Variants in AGBL1 observed in about 807,000 individuals in gnomAD.
AGBL1 encodes the protein AGBL carboxypeptidase 1, also known as cytosolic carboxypeptidase 4.
AGBL1 carries 130 observed loss-of-function variants against 118.9 expected under a neutral mutation model. The observed-to-expected ratio is 1.09, with a 90% CI of 0.95 to 1.26. The LOEUF is 1.26. Ranked by LOEUF, AGBL1 falls within the 50% of genes most tolerant of loss-of-function variation. AGBL1 has a pLI of 0.00. For synonymous variants in AGBL1, 555 were observed against 478.9 expected (o/e 1.16, Z -2.08); for missense variants, 1,584 against 1,298.1 (o/e 1.22, Z -3.38).
chr15:86,235,295 A>G (rs1003153549), intron 6 of AGBL1, among the ~76,000 whole-genome samples: 1 of 152,224 alleles, frequency 6.6e-6, no homozygotes, highest in East Asian at 1.9e-4. Context: ...ACTCAGAGTA[A>G]GTTATCTAAA....
chr15:86,565,201 G>C (rs972069556), intron 21 of AGBL1, among the ~76,000 whole-genome samples: 7 of 152,216 alleles, frequency 4.6e-5, no homozygotes, highest in Non-Finnish European at 1.0e-4. Context: ...GAGGGGGAGA[G>C]GCACTCTGAT....
chr15:86,586,700 T>TTTTATTGTTTTATTTATTTATTTA (rs2084253603), intron 21 of AGBL1, among the ~76,000 whole-genome samples: 2 of 152,142 alleles, frequency 1.3e-5, no homozygotes, highest in African/African-American at 4.8e-5. Context: ...AATAAATTCC[T>TTTTATTGTTTTATTTATTTATTTA]GGGAGGTATA....
chr15:86,876,644 G>T (rs914655544), intron 22 of AGBL1, among the ~76,000 whole-genome samples: 1 of 152,184 alleles, frequency 6.6e-6, no homozygotes, highest in African/African-American at 2.4e-5. Context: ...TAGCTTTGTA[G>T]GCCATAGGCT....
intron 22 of AGBL1, among the ~76,000 whole-genome samples, chr15:86,862,474 C>A (rs1268116335): frequency 3.3e-5 from 5 of 152,178 alleles, no homozygotes; most frequent in African/African-American, 1.2e-4. Context: ...AATCCCAGCA[C>A]TTTGGGAGGC....
intron 21 of AGBL1, among the ~76,000 whole-genome samples, chr15:86,625,077 A>G (rs946132393): frequency 6.6e-6 from 1 of 152,164 alleles, no homozygotes; most frequent in Non-Finnish European, 1.5e-5. Context: ...ACCTCCAGTC[A>G]TTCGACCAGG....
intron 20 of AGBL1, among the ~76,000 whole-genome samples, chr15:86,552,561 A>T (rs955320113): frequency 1.3e-5 from 2 of 152,202 alleles, no homozygotes. Context: ...TTATTTTAGC[A>T]AATAATTATG....
chr15:86,331,350 G>GA (rs2080266260), intron 17 of AGBL1, among the ~76,000 whole-genome samples: 2 of 151,570 alleles, frequency 1.3e-5, no homozygotes, highest in African/African-American at 4.9e-5. Flanking sequence ...GAGAGAAGAA[G>GA]AAAAAAGCAA....
rs536813729 is a variant in AGBL1 at position 86,246,480 on chromosome 15, C to T, written c.527-1191C>T. 7.9e-5 allele frequency among the ~76,000 whole-genome samples: 12 copies of T among 152,128 alleles called. 1 individual carries two copies. Among genetic ancestry groups the T allele is most frequent in the Admixed American group, 7.9e-4 (12 of 15,268 alleles). ...TTTCCTGCAGGGGTTATGGACTGGG[C>T]AGTTTAAAGAAAACGCACATGAAGA... On this transcript the variant is annotated intron_variant, in intron 6 of 22. Transcript: ENST00000614907.
At chr15:86,996,727 C>A (rs1175410718) in intron 24 of AGBL1, among the ~76,000 whole-genome samples, 1 of 152,120 alleles carries the variant, frequency 6.6e-6, no homozygotes, top group Non-Finnish European at 1.5e-5. Flanking sequence ...GATCTGTTTG[C>A]CATCTTTTAC....
At chr15:86,845,186 A>G (rs892014592) in intron 22 of AGBL1, among the ~76,000 whole-genome samples, 1 of 152,132 alleles carries the variant, frequency 6.6e-6, no homozygotes, top group African/African-American at 2.4e-5. Flanking sequence ...CAGCTTCTAC[A>G]AAAGGTCTGT....
At chr15:86,328,875 C>A (rs117666965) in intron 17 of AGBL1, among the ~76,000 whole-genome samples, 1 of 152,156 alleles carries the variant, frequency 6.6e-6, no homozygotes, top group South Asian at 2.1e-4. Flanking sequence ...GACAGGACAC[C>A]GTTTTTAATT....
intron 9 of AGBL1, among the ~76,000 whole-genome samples, chr15:86,259,531 C>A (rs2078949635): frequency 6.6e-6 from 1 of 152,156 alleles, no homozygotes; most frequent in African/African-American, 2.4e-5. Context: ...CTTTTGAGTT[C>A]TCTGTCATGA....
At chr15:87,014,941 G>GTGTT (rs1194933581) in intron 24 of AGBL1, among the ~76,000 whole-genome samples, 1 of 152,134 alleles carries the variant, frequency 6.6e-6, no homozygotes, top group African/African-American at 2.4e-5. Flanking sequence ...CTCTCTAAGG[G>GTGTT]TGTTTTAAGA....
chr15:86,999,690 G>A (rs1465977649), intron 24 of AGBL1, among the ~76,000 whole-genome samples: 1 of 151,288 alleles, frequency 6.6e-6, no homozygotes, highest in South Asian at 2.1e-4. Flanking sequence ...TAAACACACG[G>A]GTGCATGTGT....
At chr15:86,682,963 A>G (rs1039863433) in intron 22 of AGBL1, among the ~76,000 whole-genome samples, 1 of 152,176 alleles carries the variant, frequency 6.6e-6, no homozygotes, top group Non-Finnish European at 1.5e-5. Context: ...GCCAAATGTC[A>G]TGACTATATT....
intron 18 of AGBL1, among the ~76,000 whole-genome samples, chr15:86,405,792 G>C (rs768215960): frequency 1.3e-5 from 2 of 151,996 alleles, no homozygotes; most frequent in Non-Finnish European, 2.9e-5. Flanking sequence ...CTAATACAAG[G>C]TTCGCGCAAG....
intron 22 of AGBL1, among the ~76,000 whole-genome samples, chr15:86,778,933 A>G (rs188949113): frequency 3.3e-4 from 51 of 152,312 alleles, no homozygotes; most frequent in Non-Finnish European, 5.7e-4. Flanking sequence ...AAGAAATTAT[A>G]AAAGTATTAA....
intron 5 of AGBL1, among the ~76,000 whole-genome samples, chr15:86,180,357 G>A (rs1597502283): frequency 6.6e-6 from 1 of 152,222 alleles, no homozygotes; most frequent in East Asian, 1.9e-4. Flanking sequence ...TAATGGAACA[G>A]TATAGACACT....
intron 17 of AGBL1, among the ~76,000 whole-genome samples, chr15:86,369,014 A>G (rs2080931567): frequency 6.6e-6 from 1 of 152,212 alleles, no homozygotes; most frequent in Admixed American, 6.5e-5. Context: ...ACAAGGCACA[A>G]TGTCTTTTAA....
Sources: gnomAD v4.1 joint callset for allele counts (sites outside exome capture counted in the v4.1 genomes callset) on GRCh38, gnomAD v4.1.1 for gene constraint, MANE v1.5 for transcripts, NCBI Gene and HGNC (gene_info 2026-07-23, HGNC 2026-07-21) for gene names.